KSR2: variants seen among roughly 807,000 people sequenced by gnomAD.
KSR2 encodes the protein kinase suppressor of ras 2.
A neutral mutation model predicts 107.8 loss-of-function variants in KSR2; 25 were observed. The observed-to-expected ratio is 0.23, with a 90% CI of 0.17 to 0.32. The LOEUF is 0.32. Ranked by LOEUF, KSR2 falls within the 10% of genes least tolerant of loss-of-function variation. The pLI, the probability that KSR2 is intolerant of heterozygous loss-of-function variation, is 1.00. For synonymous variants in KSR2, 480 were observed against 507.0 expected (o/e 0.95, Z 0.71); for missense variants, 887 against 1,268.9 (o/e 0.70, Z 4.57).
At chr12:117,687,826 T>A (rs1263920802) in intron 4 of KSR2, among the ~76,000 whole-genome samples, 2 of 152,092 alleles carry the variant, frequency 1.3e-5, no homozygotes, top group Admixed American at 1.3e-4. Flanking sequence ...AAAAAAATAT[T>A]TGAAGCTCAA....
In KSR2 at chr12:117,484,659, C is replaced by T. The variant is rs149674097; in HGVS notation, c.2317-110G>A. The T allele has an allele frequency of 1.5e-4, 162 of 1,078,102 alleles. No homozygotes were observed. In the African/African-American group the frequency reaches 2.3e-3, roughly 15 times the overall value. The allele number at this position is 1,078,102 out of a possible 1,614,324, so 66.8% of individuals were successfully genotyped here. Reference sequence around the variant, plus strand: ...TGAAGACTTGGCTCCCTAATGGGACCACACTCAACAGAGGCAGGGCCTGGG... The same window carrying T: ...TGAAGACTTGGCTCCCTAATGGGACTACACTCAACAGAGGCAGGGCCTGGG... On this transcript the variant is annotated intron_variant, in intron 15 of 19. Transcript: ENST00000339824.
intron 1 of KSR2, chr12:117,890,638 G>A (rs764690506): frequency 2.8e-4 from 42 of 152,194 alleles, no homozygotes; most frequent in Non-Finnish European, 5.4e-4. Context: ...TACTTAATGG[G>A]AAGACCTATG....
In KSR2 at chr12:117,470,207, TCCATCCATC is replaced by T. The variant is rs1392653441; in HGVS notation, c.2713-421_2713-413del. Among the ~76,000 whole-genome samples the T allele has an allele frequency of 7.4e-5, 11 of 148,768 alleles. 1 individual carries two copies. Among genetic ancestry groups the T allele is most frequent in the African/African-American group, 2.5e-4 (10 of 39,634 alleles). On this transcript the variant is annotated intron_variant, in intron 18 of 19. Coordinates refer to ENST00000339824, the MANE Select transcript of KSR2 (RefSeq NM_173598.6). ...TCATCTTTCATTATCCATCCATCCA[TCCATCCATC>T]CATCCATCCATCCGGCATGTATCTA...
chr12:117,529,421 G>T (rs1224702218), intron 12 of KSR2, among the ~76,000 whole-genome samples: 1 of 152,022 alleles, frequency 6.6e-6, no homozygotes, highest in African/African-American at 2.4e-5. Flanking sequence ...TCACCAGGTT[G>T]GCTAGGCTGG....
intron 14 of KSR2, among the ~76,000 whole-genome samples, chr12:117,492,511 C>T (rs1167409726): frequency 6.6e-6 from 1 of 152,216 alleles, no homozygotes; most frequent in African/African-American, 2.4e-5. Context: ...GCCCCCACGA[C>T]CTTGGGGCAC....
chr12:117,579,064 G>T (rs1328665753), intron 7 of KSR2, 55 bp downstream of exon 7: 17 of 1,267,938 alleles, frequency 1.3e-5, no homozygotes, highest in Non-Finnish European at 1.9e-5. Flanking sequence ...TGCCCTGCAT[G>T]GTTCTAGCTG....
At chr12:117,563,543 C>T (rs1036540034) in intron 7 of KSR2, among the ~76,000 whole-genome samples, 1 of 152,238 alleles carries the variant, frequency 6.6e-6, no homozygotes, top group African/African-American at 2.4e-5. Flanking sequence ...TGATATAATG[C>T]AAGTAAGGTG....
intron 4 of KSR2, among the ~76,000 whole-genome samples, chr12:117,722,946 C>T (rs567681776): frequency 1.3e-3 from 192 of 152,238 alleles, no homozygotes; most frequent in African/African-American, 4.4e-3. Flanking sequence ...AGAAGTATCC[C>T]GTATTCCCAT....
At chr12:117,731,001 G>A (rs930560502) in intron 4 of KSR2, among the ~76,000 whole-genome samples, 2 of 151,328 alleles carry the variant, frequency 1.3e-5, no homozygotes, top group African/African-American at 4.9e-5. Flanking sequence ...CCTCTGCCCA[G>A]CCGCCCAGTC....
At chr12:117,830,402 C>T (rs573589784) in intron 3 of KSR2, among the ~76,000 whole-genome samples, 167 of 152,192 alleles carry the variant, frequency 1.1e-3, no homozygotes, top group Middle Eastern at 3.4e-3. Context: ...TTAAGCGCTA[C>T]GCTCACTACC....
At position 117,579,125 on chromosome 12, in the gene KSR2, T is replaced by A. The variant is rs771319045; in HGVS notation, c.1319A>T (p.Asn440Ile). 1 of 1,612,890 alleles carries A rather than the reference T, an allele frequency of 6.2e-7. No individual in the cohort carries two copies. Among genetic ancestry groups the A allele is most frequent in the South Asian group, 1.1e-5 (1 of 90,662 alleles). ...KGMLFGLKCK[N>I]CKLKCHNKCT... Reference sequence around the variant, plus strand: ...GCAGGGCACAGTCACTTACTTGCAGTTTTTACACTTGAGGCCAAAAAGCAT... The same window carrying A: ...GCAGGGCACAGTCACTTACTTGCAGATTTTACACTTGAGGCCAAAAAGCAT... Residue 440 changes from asparagine (N) to isoleucine (I), a missense_variant, in exon 7 of 20, where the codon AAC becomes ATC. Asn to Ile is a moderately radical substitution (Grantham distance 149). Around this residue, in one of 8 missense-constraint regions of KSR2, gnomAD observed 12 missense variants for 48.1 expected, o/e 0.25. Transcript: ENST00000339824.
intron 3 of KSR2, among the ~76,000 whole-genome samples, chr12:117,781,608 C>T (rs1379478405): frequency 1.3e-5 from 2 of 152,212 alleles, no homozygotes; most frequent in East Asian, 3.8e-4. Flanking sequence ...GTAAACTTGT[C>T]TGTGTCTTCA....
At chr12:117,903,345 A>G (rs147267596) in intron 1 of KSR2, among the ~76,000 whole-genome samples, 1 of 152,350 alleles carries the variant, frequency 6.6e-6, no homozygotes, top group East Asian at 1.9e-4. Context: ...ATAGTGACAA[A>G]TAGGGTATGG....
intron 1 of KSR2, among the ~76,000 whole-genome samples, chr12:117,869,724 G>A (rs950900469): frequency 6.6e-6 from 1 of 152,152 alleles, no homozygotes; most frequent in Non-Finnish European, 1.5e-5. Flanking sequence ...CTGCATGAAG[G>A]ATTCCTTTGA....
intron 1 of KSR2, among the ~76,000 whole-genome samples, chr12:117,885,517 T>G (rs537465239): frequency 6.6e-6 from 1 of 152,218 alleles, no homozygotes; most frequent in East Asian, 1.9e-4. Flanking sequence ...GAAAAGTGTG[T>G]GTCTGTTTTT....
intron 4 of KSR2, among the ~76,000 whole-genome samples, chr12:117,711,071 T>C (rs1886753500): frequency 6.6e-6 from 1 of 152,248 alleles, no homozygotes; most frequent in Non-Finnish European, 1.5e-5. Flanking sequence ...CATTGCACTC[T>C]ACATTTTCTT....
intron 5 of KSR2, among the ~76,000 whole-genome samples, chr12:117,662,836 A>T (rs982331851): frequency 1.2e-4 from 19 of 152,348 alleles, no homozygotes; most frequent in South Asian, 2.1e-4. Flanking sequence ...AAACACCCAG[A>T]AAACTGCAGG....
intron 14 of KSR2, among the ~76,000 whole-genome samples, chr12:117,507,871 GA>G (rs1310658039): frequency 3.3e-5 from 5 of 152,100 alleles, no homozygotes; most frequent in African/African-American, 1.2e-4. Flanking sequence ...AAATCAGGCT[GA>G]ACTACCTCAG....
rs770565486 is a variant in KSR2 at position 117,539,799 on chromosome 12, AG to A, written c.1606del (p.Leu536SerfsTer61). ...SSTPSSPAPP[L>X]PPSATPPSPL... is the part of the protein sequence containing the mutation. ...AGAAGGCGGCGTGGCACTAGGAGGG[AG>A]GGGGGGTGCTGGCGAGGAGGGCGTG... On this transcript the variant is annotated frameshift_variant, in exon 10 of 20. Coordinates refer to ENST00000339824, the MANE Select transcript of KSR2 (RefSeq NM_173598.6). LOFTEE classifies it high-confidence loss of function. The A allele has an allele frequency of 3.7e-6, 6 of 1,605,916 alleles. No homozygotes were observed. Among genetic ancestry groups the A allele is most frequent in the Admixed American group, 1.7e-5 (1 of 58,694 alleles).
Sources: gnomAD v4.1 joint callset for allele counts (sites outside exome capture counted in the v4.1 genomes callset) on GRCh38, gnomAD v4.1.1 for gene constraint, gnomAD v4.1.1 regional missense constraint, MANE v1.5 for transcripts, NCBI Gene and HGNC (gene_info 2026-07-23, HGNC 2026-07-21) for gene names.